Variants in SPOCK3 observed in about 807,000 individuals in gnomAD.
SPOCK3 encodes the protein SPARC (osteonectin), cwcv and kazal like domains proteoglycan 3.
A neutral mutation model predicts 56.6 loss-of-function variants in SPOCK3; 30 were observed. The ratio of observed to expected loss-of-function variants is 0.53; its 90% CI spans 0.40 to 0.72. The LOEUF (loss-of-function observed/expected upper bound fraction) is 0.72, where lower values mean the gene tolerates loss of function less well. Ranked by LOEUF, SPOCK3 falls within the 30% of genes least tolerant of loss-of-function variation. SPOCK3 has a pLI of 0.00. For synonymous variants in SPOCK3, 196 were observed against 183.3 expected (o/e 1.07, Z -0.56); for missense variants, 527 against 530.0 (o/e 0.99, Z 0.06).
intron 7 of SPOCK3, among the ~76,000 whole-genome samples, chr4:166,773,593 G>T (rs1739202258): frequency 6.6e-6 from 1 of 152,046 alleles, no homozygotes; most frequent in Non-Finnish European, 1.5e-5. Context: ...CATTTTTTCA[G>T]TCTTCTTCTT....
At chr4:167,162,943 T>C (rs1031282880) in intron 2 of SPOCK3, among the ~76,000 whole-genome samples, 1 of 151,926 alleles carries the variant, frequency 6.6e-6, no homozygotes, top group Non-Finnish European at 1.5e-5. Context: ...CTTATTTTCA[T>C]TCTCTGGGTG....
At chr4:166,928,827 G>T (rs1395070037) in intron 4 of SPOCK3, among the ~76,000 whole-genome samples, 2 of 152,108 alleles carry the variant, frequency 1.3e-5, no homozygotes, top group African/African-American at 4.8e-5. Flanking sequence ...AATTAGCCAG[G>T]TGTGGTGGTG....
chr4:166,770,382 G>C (rs1481353209), intron 7 of SPOCK3, among the ~76,000 whole-genome samples: 13 of 152,114 alleles, frequency 8.5e-5, no homozygotes, highest in Admixed American at 8.5e-4. Flanking sequence ...GGCCTATCCA[G>C]ATAATCCAGG....
At chr4:166,890,769 C>A (rs1434882030) in intron 5 of SPOCK3, among the ~76,000 whole-genome samples, 1 of 151,862 alleles carries the variant, frequency 6.6e-6, no homozygotes, top group Non-Finnish European at 1.5e-5. Context: ...TCTATTAGGT[C>A]CGCTTGGTCC....
intron 6 of SPOCK3, among the ~76,000 whole-genome samples, chr4:166,877,748 T>G (rs892194369): frequency 7.2e-5 from 11 of 152,312 alleles, no homozygotes; most frequent in Non-Finnish European, 1.5e-4. Context: ...CTGATTTTTT[T>G]GTTTGTAGTA....
intron 2 of SPOCK3, among the ~76,000 whole-genome samples, chr4:167,156,955 A>G (rs1764867429): frequency 6.6e-6 from 1 of 152,162 alleles, no homozygotes; most frequent in Admixed American, 6.6e-5. Flanking sequence ...ATCAAATATC[A>G]TGATACTGAA....
chr4:166,838,925 G>A (rs1454475053), intron 6 of SPOCK3, among the ~76,000 whole-genome samples: 2 of 150,774 alleles, frequency 1.3e-5, no homozygotes, highest in Non-Finnish European at 2.9e-5. Context: ...TTGTGCCACT[G>A]CACTCTAGCC....
intron 3 of SPOCK3, among the ~76,000 whole-genome samples, chr4:167,042,647 A>C (rs763402514): frequency 2.6e-5 from 4 of 152,168 alleles, no homozygotes; most frequent in Non-Finnish European, 5.9e-5. Context: ...TATTTAGGAC[A>C]GTTTTATACT....
Position 167,121,473 on chromosome 4 carries a change from C to CA in SPOCK3, c.190-58937dup, listed in dbSNP as rs534784701. Among the ~76,000 whole-genome samples the CA allele has an allele frequency of 8.8e-3, 1,046 of 119,252 alleles. 4 individuals are homozygous for CA. The highest frequency in any genetic ancestry group is 0.019 in the African/African-American group (604 of 32,202). The allele number at this position is 119,252 out of a possible 152,430, so 78.2% of individuals were successfully genotyped here. On this transcript the variant is annotated intron_variant, in intron 2 of 10. Coordinates refer to ENST00000357545, the MANE Select transcript of SPOCK3 (RefSeq NM_001040159.2). ...TAGAGATTTCTTCTCTGGTTTCAAA[C>CA]AAAAAAAAAAAAAGTGAATGTGGAT...
intron 6 of SPOCK3, among the ~76,000 whole-genome samples, chr4:166,867,237 A>T (rs143021949): frequency 4.7e-4 from 71 of 152,184 alleles, no homozygotes; most frequent in African/African-American, 1.7e-3. Context: ...CTGGATGAAT[A>T]TCACAATAAT....
chr4:167,061,019 T>C (rs1171086055), intron 3 of SPOCK3, among the ~76,000 whole-genome samples: 1 of 152,102 alleles, frequency 6.6e-6, no homozygotes, highest in Non-Finnish European at 1.5e-5. Flanking sequence ...ACATAATATT[T>C]TTAAGTTAGT....
At chr4:166,908,186 A>C (rs1430282218) in intron 5 of SPOCK3, among the ~76,000 whole-genome samples, 4 of 151,924 alleles carry the variant, frequency 2.6e-5, no homozygotes, top group Non-Finnish European at 5.9e-5. Context: ...TTAAAACATT[A>C]TAGTAGCATG....
chr4:166,914,149 T>C (rs778096208), intron 4 of SPOCK3, among the ~76,000 whole-genome samples: 1 of 152,082 alleles, frequency 6.6e-6, no homozygotes, highest in Non-Finnish European at 1.5e-5. Context: ...AATTATTTGC[T>C]CTTCAGATAC....
At chr4:166,840,775 T>TTTG (rs1747175069) in intron 6 of SPOCK3, among the ~76,000 whole-genome samples, 1 of 135,118 alleles carries the variant, frequency 7.4e-6, no homozygotes, top group African/African-American at 2.8e-5. Context: ...GCAAAAGTTT[T>TTTG]TTTTTTTTTT....
At chr4:166,769,002 A>G (rs1738538121) in intron 7 of SPOCK3, among the ~76,000 whole-genome samples, 1 of 152,134 alleles carries the variant, frequency 6.6e-6, no homozygotes, top group Non-Finnish European at 1.5e-5. Context: ...TTGTGCATTC[A>G]TCATGTAGTT....
intron 2 of SPOCK3, among the ~76,000 whole-genome samples, chr4:167,147,284 C>G (rs1171390150): frequency 6.6e-6 from 1 of 152,064 alleles, no homozygotes; most frequent in Non-Finnish European, 1.5e-5. Flanking sequence ...CCTGAATAGA[C>G]CAACAAGTTC....
chr4:167,004,674 G>C (rs1749292521), intron 3 of SPOCK3, among the ~76,000 whole-genome samples: 2 of 152,122 alleles, frequency 1.3e-5, no homozygotes, highest in Non-Finnish European at 2.9e-5. Flanking sequence ...ATGGAGAAGA[G>C]GGGATGCATT....
intron 6 of SPOCK3, among the ~76,000 whole-genome samples, chr4:166,804,900 A>G (rs1353570837): frequency 1.3e-5 from 2 of 152,130 alleles, no homozygotes; most frequent in African/African-American, 4.8e-5. Flanking sequence ...ATGTTGTTTC[A>G]TGAGGAAATG....
At chr4:166,805,735 GC>G (rs1743094891) in intron 6 of SPOCK3, among the ~76,000 whole-genome samples, 1 of 151,996 alleles carries the variant, frequency 6.6e-6, no homozygotes. Context: ...GAAGTCATAA[GC>G]TCAAAGGTTG....
Sources: gnomAD v4.1 joint callset for allele counts (sites outside exome capture counted in the v4.1 genomes callset) on GRCh38, gnomAD v4.1.1 for gene constraint, MANE v1.5 for transcripts, NCBI Gene and HGNC (gene_info 2026-07-23, HGNC 2026-07-21) for gene names.